ZIM2: variants seen among roughly 807,000 people sequenced by gnomAD.
ZIM2 encodes zinc finger protein 656.
In ZIM2, 14 loss-of-function variants were observed where a neutral mutation model predicts 38.6. That is an observed-to-expected ratio of 0.36 (90% CI 0.24 to 0.57). ZIM2 has a LOEUF of 0.57. ZIM2 is among the 20% of genes least tolerant of loss of function. The probability of loss-of-function intolerance (pLI) is 0.81; values close to 1 mark genes in which losing one functional copy is unlikely to be tolerated. For missense variants in ZIM2, 680 were observed against 695.1 expected (o/e 0.98, Z 0.24); for synonymous variants, 247 against 245.8 (o/e 1.00, Z -0.04).
intron 10 of ZIM2, among the ~76,000 whole-genome samples, chr19:56,787,182 T>C (rs1251303302): frequency 6.6e-6 from 1 of 152,204 alleles, no homozygotes; most frequent in Non-Finnish European, 1.5e-5. Flanking sequence ...ACATCTCTGA[T>C]CTGGACCTTG....
chr19:56,814,377 C>T lies in ZIM2; in HGVS notation c.490+3369G>A. ...CTGCTTCATCTTCTTCTTCTTCTTC[C>T]AGATGAAGCTCCTTATGTTTAGTGA... On this transcript the variant is annotated intron_variant, in intron 9 of 12. Coordinates refer to ENST00000629319, the MANE Select transcript of ZIM2 (RefSeq NM_001387356.1). The surrounding 1 kb of genome is among the most constrained non-coding windows in gnomAD (Gnocchi z 5.8). 1 of 1,609,598 alleles carries T rather than the reference C, an allele frequency of 6.2e-7. No individual in the cohort carries two copies. Among genetic ancestry groups the T allele is most frequent in the Non-Finnish European group, 8.5e-7 (1 of 1,175,910 alleles).
At chr19:56,813,889 G>C (rs763981827) in intron 9 of ZIM2, 2 of 1,614,072 alleles carry the variant, frequency 1.2e-6, no homozygotes, top group African/African-American at 1.3e-5. Context: ...ACTGAATGCT[G>C]TGCTGGAAGT....
At chr19:56,790,210 A>G in intron 9 of ZIM2, 1 of 350,060 alleles carries the variant, frequency 2.9e-6, no homozygotes, top group East Asian at 4.2e-5. Context: ...CCTCCATATC[A>G]GTCATTTCGG....
intron 1 of ZIM2, among the ~76,000 whole-genome samples, chr19:56,836,856 T>C (rs1295586427): frequency 6.6e-6 from 1 of 151,474 alleles, no homozygotes; most frequent in Non-Finnish European, 1.5e-5. Flanking sequence ...TATTCCCAGC[T>C]ACTCTGAAGA....
intron 9 of ZIM2, chr19:56,812,196 C>T (rs1156756987): frequency 5.1e-5 from 50 of 980,720 alleles, no homozygotes; most frequent in Admixed American, 1.2e-4. Flanking sequence ...AGTTATTATG[C>T]GAGGGGAGGG....
At chr19:56,835,367 C>T (rs536248036) in intron 2 of ZIM2, among the ~76,000 whole-genome samples, 10 of 152,200 alleles carry the variant, frequency 6.6e-5, no homozygotes, top group African/African-American at 1.2e-4. Flanking sequence ...TGCCACTCAA[C>T]GATTCCCTTG....
At chr19:56,788,409 G>T (rs1568572802) in intron 10 of ZIM2, among the ~76,000 whole-genome samples, 1 of 152,012 alleles carries the variant, frequency 6.6e-6, no homozygotes, top group Non-Finnish European at 1.5e-5. Flanking sequence ...ATAATCGTGC[G>T]GTTTTGAGTG....
chr19:56,810,782 C>G, intron 9 of ZIM2: 1 of 978,528 alleles, frequency 1.0e-6, no homozygotes, highest in Non-Finnish European at 1.2e-6. Flanking sequence ...GGAAACAGAT[C>G]AAGATGTTAG....
intron 10 of ZIM2, 98 bp from the exon 11 acceptor site, chr19:56,782,219 C>G: frequency 6.8e-7 from 1 of 1,474,460 alleles, no homozygotes. Context: ...TAATCCAGAG[C>G]CACAGGCACC....
intron 10 of ZIM2, chr19:56,782,325 G>C (rs1020529301): frequency 2.0e-5 from 13 of 666,162 alleles, no homozygotes; most frequent in Admixed American, 1.8e-4. Flanking sequence ...TTGGGTTGAG[G>C]GGGAAATATC....
Position 56,815,548 on chromosome 19 carries a change from C to T in ZIM2, c.490+2198G>A, listed in dbSNP as rs765309826. 7.4e-6 allele frequency: 12 copies of T among 1,613,992 alleles called. No individual in the cohort carries two copies. Among genetic ancestry groups the T allele is most frequent in the African/African-American group, 1.3e-5 (1 of 75,012 alleles). Reference sequence around the variant, plus strand: ...CTCCTGACATTCATAGAGCATCCCTCGAGGGCGAAATGTTTGTTCACCAAA... The same window carrying T: ...CTCCTGACATTCATAGAGCATCCCTTGAGGGCGAAATGTTTGTTCACCAAA... On this transcript the variant is annotated intron_variant, in intron 9 of 12. Transcript: ENST00000629319.
At chr19:56,805,956 T>C (rs2047737861) in intron 9 of ZIM2, among the ~76,000 whole-genome samples, 2 of 152,230 alleles carry the variant, frequency 1.3e-5, no homozygotes, top group Non-Finnish European at 1.5e-5. Context: ...AAGGTTATAA[T>C]AGTACCTCAG....
chr19:56,790,043 G>A (rs1813742156), intron 9 of ZIM2, 92 bp from the exon 10 acceptor site: 9 of 1,047,792 alleles, frequency 8.6e-6, no homozygotes, highest in Middle Eastern at 2.4e-4. Flanking sequence ...ACCCTGTCCT[G>A]CCATGGGAAG....
In ZIM2 at chr19:56,823,647, C is replaced by T. The variant is rs149822437; in HGVS notation, c.49G>A (p.Asp17Asn). The T allele has an allele frequency of 2.0e-3, 3,148 of 1,614,114 alleles. 6 individuals carry two copies. Among genetic ancestry groups the T allele is most frequent in the Admixed American group, 2.8e-3 (169 of 60,026 alleles). Reference sequence around the variant, plus strand: ...GACTCTCTTCTGTTCCGGGTCATGTCGTCGTCGCTGGTCACGTCACTGTTG... The same window carrying T: ...GACTCTCTTCTGTTCCGGGTCATGTTGTCGTCGCTGGTCACGTCACTGTTG... The part of the protein sequence containing the change: ...DNNSDVTSDD[D>N]MTRNRRESSP... The change falls in exon 5 of 13, where the codon GAC becomes AAC. Residue 17 changes from aspartate (D) to asparagine (N), a missense_variant. Physicochemically the swap from Asp to Asn is conservative, Grantham distance 23. Transcript: ENST00000629319.
In ZIM2 at chr19:56,822,856, C is replaced by T; in HGVS notation, c.107-20G>A. 6.2e-7 allele frequency: 1 copy of T among 1,608,880 alleles called. No individual in the cohort carries two copies. The highest frequency in any genetic ancestry group is 8.5e-7 in the Non-Finnish European group (1 of 1,177,654). On this transcript the variant is annotated intron_variant, in intron 5 of 12. Coordinates refer to ENST00000629319, the MANE Select transcript of ZIM2 (RefSeq NM_001387356.1). ...GGTCACCTAAGCAGGTGAGACATTC[C>T]AGTGGTTAACAAAGCTCTTTGACAC...
intron 12 of ZIM2, among the ~76,000 whole-genome samples, chr19:56,778,069 ACT>A (rs2046115212): frequency 6.6e-6 from 1 of 152,132 alleles, no homozygotes; most frequent in African/African-American, 2.4e-5. Context: ...GCCTTCTCTG[ACT>A]ATTCCATCTC....
intron 9 of ZIM2, among the ~76,000 whole-genome samples, chr19:56,796,793 A>G (rs1358763878): frequency 6.6e-6 from 1 of 152,228 alleles, no homozygotes; most frequent in South Asian, 2.1e-4. Flanking sequence ...CTCACACAGG[A>G]AGGAATTCAA....
At chr19:56,810,596 C>A in intron 9 of ZIM2, 16 of 929,684 alleles carry the variant, frequency 1.7e-5, no homozygotes, top group Non-Finnish European at 2.1e-5. Flanking sequence ...AAAATACATA[C>A]ATAAAATTTA....
chr19:56,788,010 G>A (rs1247350054), intron 10 of ZIM2, among the ~76,000 whole-genome samples: 1 of 150,174 alleles, frequency 6.7e-6, no homozygotes, highest in Non-Finnish European at 1.5e-5. Flanking sequence ...TATTAGTCTG[G>A]TAAGCAGTCT....
Sources: gnomAD v4.1 joint callset for allele counts (sites outside exome capture counted in the v4.1 genomes callset) on GRCh38, gnomAD v4.1.1 for gene constraint, Gnocchi (gnomAD v3.1) non-coding constraint, MANE v1.5 for transcripts, NCBI Gene and HGNC (gene_info 2026-07-23, HGNC 2026-07-21) for gene names.